The following CACNG3 variants were observed in gnomAD, a reference collection of about 807,000 sequenced individuals.
CACNG3 encodes voltage-dependent calcium channel gamma-3 subunit.
CACNG3 carries 3 observed loss-of-function variants against 28.5 expected under a neutral mutation model. The observed-to-expected ratio is 0.11, with a 90% CI of 0.05 to 0.27. The LOEUF is 0.27. CACNG3 is among the 10% of genes least tolerant of loss of function. CACNG3 has a pLI of 1.00. For missense variants in CACNG3, 236 were observed against 414.4 expected, an observed-to-expected ratio of 0.57 and a Z score of 3.74; for synonymous variants, 174 against 162.2, an observed-to-expected ratio of 1.07 and a Z score of -0.55.
intron 1 of CACNG3, among the ~76,000 whole-genome samples, chr16:24,293,730 T>G (rs1029001932): frequency 6.6e-6 from 1 of 152,188 alleles, no homozygotes; most frequent in Non-Finnish European, 1.5e-5. Context: ...TCTTCTGATC[T>G]GCTTCCATTT....
intron 1 of CACNG3, among the ~76,000 whole-genome samples, chr16:24,324,131 G>A (rs151139317): frequency 1.4e-3 from 211 of 152,186 alleles, no homozygotes; most frequent in African/African-American, 4.8e-3. Flanking sequence ...CAACAATAAA[G>A]CCTGTTAGAA....
intron 1 of CACNG3, among the ~76,000 whole-genome samples, chr16:24,319,995 T>C (rs922135816): frequency 6.6e-6 from 1 of 152,194 alleles, no homozygotes; most frequent in African/African-American, 2.4e-5. Flanking sequence ...GGTCTCGAAC[T>C]CCTAACCAAG....
intron 3 of CACNG3, among the ~76,000 whole-genome samples, chr16:24,357,851 A>G (rs1900054655): frequency 6.6e-6 from 1 of 152,198 alleles, no homozygotes; most frequent in East Asian, 1.9e-4. Context: ...GTTGTCCCCC[A>G]AGGGGATTGT....
intron 1 of CACNG3, among the ~76,000 whole-genome samples, chr16:24,307,097 T>C (rs1167553865): frequency 6.6e-6 from 1 of 152,172 alleles, no homozygotes; most frequent in Non-Finnish European, 1.5e-5. Context: ...GCTTGCCTTC[T>C]TTCTGGACAT....
At chr16:24,285,037 A>C (rs776395922) in intron 1 of CACNG3, among the ~76,000 whole-genome samples, 1 of 151,574 alleles carries the variant, frequency 6.6e-6, no homozygotes, top group Admixed American at 6.6e-5. Context: ...AAAGAAAGAC[A>C]CTCAGAGTGT....
At chr16:24,265,474 G>C (rs1285141615) in intron 1 of CACNG3, among the ~76,000 whole-genome samples, 2 of 150,020 alleles carry the variant, frequency 1.3e-5, no homozygotes, top group African/African-American at 4.9e-5. Context: ...AGGAAGGAGA[G>C]AGAGAGAGAA....
chr16:24,279,858 G>T (rs978410149), intron 1 of CACNG3, among the ~76,000 whole-genome samples: 8 of 152,158 alleles, frequency 5.3e-5, no homozygotes, highest in African/African-American at 1.9e-4. Flanking sequence ...TGGGGAGAGG[G>T]TGAGTCTGGT....
At chr16:24,286,568 C>T (rs1463488262) in intron 1 of CACNG3, among the ~76,000 whole-genome samples, 1 of 152,184 alleles carries the variant, frequency 6.6e-6, no homozygotes, top group Admixed American at 6.5e-5. Context: ...CATCGCCATG[C>T]TGGCCCCCAG....
intron 3 of CACNG3, among the ~76,000 whole-genome samples, chr16:24,358,438 C>T (rs1567227061): frequency 2.6e-5 from 4 of 152,168 alleles, no homozygotes; most frequent in Admixed American, 1.3e-4. Context: ...TGATAAAGTG[C>T]CCAGAGTGGT....
At position 24,256,436 on chromosome 16, in the gene CACNG3, A is replaced by T; in HGVS notation, c.-319A>T. On this transcript the variant is annotated 5_prime_UTR_variant, in exon 1 of 4. Transcript: ENST00000005284. This position sits in a 1 kb window ranked among gnomAD's most constrained non-coding sequence, Gnocchi z 4.6. ...CCGAGCTGGCAGCTCCAGGCTCCGG[A>T]GCCATGCCCTGCACGGACCCTCGTC... 2 of 318,254 alleles carry T rather than the reference A, an allele frequency of 6.3e-6. No homozygotes were observed. Among genetic ancestry groups the T allele is most frequent in the Non-Finnish European group, 1.2e-5 (2 of 169,778 alleles). 19.7% of individuals were successfully genotyped at this position (318,254 alleles called of 1,614,324 possible).
chr16:24,301,199 A>AG (rs946799568), intron 1 of CACNG3, among the ~76,000 whole-genome samples: 7 of 148,804 alleles, frequency 4.7e-5, no homozygotes, highest in African/African-American at 1.5e-4. Context: ...CAACAGAGTG[A>AG]GACTCTGAAA....
intron 1 of CACNG3, among the ~76,000 whole-genome samples, chr16:24,275,525 T>C (rs1596623749): frequency 6.6e-6 from 1 of 152,232 alleles, no homozygotes; most frequent in South Asian, 2.1e-4. Flanking sequence ...CTTATGCGAC[T>C]GAGTTGCGAG....
At chr16:24,324,528 C>T (rs1017015270) in intron 1 of CACNG3, among the ~76,000 whole-genome samples, 4 of 152,174 alleles carry the variant, frequency 2.6e-5, no homozygotes, top group African/African-American at 9.7e-5. Context: ...GCAACAGCTT[C>T]TCCCACTTCC....
At chr16:24,333,569 ACTCAC>A (rs1170004659) in intron 1 of CACNG3, 1 of 152,254 alleles carries the variant, frequency 6.6e-6, no homozygotes, top group African/African-American at 2.4e-5. Context: ...TTTTGAGTGG[ACTCAC>A]CTGAAGGCTG....
intron 1 of CACNG3, among the ~76,000 whole-genome samples, chr16:24,285,927 T>C (rs1274813550): frequency 6.8e-6 from 1 of 146,078 alleles, no homozygotes; most frequent in Non-Finnish European, 1.5e-5. Context: ...CACTGCCACC[T>C]CCACCCACTA....
intron 1 of CACNG3, among the ~76,000 whole-genome samples, chr16:24,311,604 C>T (rs554536970): frequency 2.3e-4 from 35 of 152,122 alleles, no homozygotes; most frequent in Non-Finnish European, 4.4e-4. Context: ...ACCTGTAATC[C>T]CAACACTTTG....
intron 1 of CACNG3, among the ~76,000 whole-genome samples, chr16:24,312,874 A>G (rs1899282510): frequency 6.6e-6 from 1 of 150,846 alleles, no homozygotes; most frequent in African/African-American, 2.4e-5. Flanking sequence ...AGAAGGAAGG[A>G]AAGAAAAAAA....
At chr16:24,286,330 T>C (rs982779540) in intron 1 of CACNG3, among the ~76,000 whole-genome samples, 14 of 151,942 alleles carry the variant, frequency 9.2e-5, no homozygotes, top group African/African-American at 2.7e-4. Context: ...TCTTAATAGA[T>C]ATTGACAGGT....
intron 1 of CACNG3, among the ~76,000 whole-genome samples, chr16:24,257,396 AGAGAGAGAGAGAGAGAGAGAGAG>A (rs1898477833): frequency 7.0e-6 from 1 of 143,170 alleles, no homozygotes; most frequent in Non-Finnish European, 1.5e-5. Flanking sequence ...AGAGAGAGAG[AGAGAGAGAGAGAGAGAGAGAGAG>A]AGAGAGAGAT....
Sources: gnomAD v4.1 joint callset for allele counts (sites outside exome capture counted in the v4.1 genomes callset) on GRCh38, gnomAD v4.1.1 for gene constraint, Gnocchi (gnomAD v3.1) non-coding constraint, MANE v1.5 for transcripts, NCBI Gene and HGNC (gene_info 2026-07-23, HGNC 2026-07-21) for gene names.